The following SHCBP1 variants were observed in gnomAD, a reference collection of about 807,000 sequenced individuals.
The protein encoded by SHCBP1 is SHC SH2 domain-binding protein 1.
In SHCBP1, 60 loss-of-function variants were observed where a neutral mutation model predicts 75.1. The ratio of observed to expected loss-of-function variants is 0.80; its 90% CI spans 0.65 to 0.99. The LOEUF (loss-of-function observed/expected upper bound fraction) is 0.99. Ranked by LOEUF, SHCBP1 falls within the 50% of genes least tolerant of loss-of-function variation. The probability of loss-of-function intolerance (pLI) is 0.00; values close to 1 mark genes in which losing one functional copy is unlikely to be tolerated. For missense variants in SHCBP1, 709 were observed against 809.4 expected (o/e 0.88, Z 1.50); for synonymous variants, 290 against 293.2 (o/e 0.99, Z 0.11).
intron 4 of SHCBP1, among the ~76,000 whole-genome samples, chr16:46,612,089 G>A (rs994098062): frequency 3.3e-5 from 5 of 152,162 alleles, no homozygotes; most frequent in African/African-American, 9.7e-5. Flanking sequence ...AGGAAAAGCT[G>A]GCCAAGATGA....
chr16:46,590,040 G>C (rs1017162885), intron 10 of SHCBP1, among the ~76,000 whole-genome samples: 37 of 152,052 alleles, frequency 2.4e-4, no homozygotes, highest in African/African-American at 8.7e-4. Flanking sequence ...TCTGATCTTT[G>C]ACAAACCTGA....
Position 46,616,811 on chromosome 16 carries a change from CG to C in SHCBP1, c.388-658del, listed in dbSNP as rs532016858. 2.0e-5 allele frequency among the ~76,000 whole-genome samples: 3 copies of C among 151,846 alleles called. No homozygotes were observed. Among genetic ancestry groups the C allele is most frequent in the Non-Finnish European group, 2.9e-5 (2 of 67,956 alleles). ...TCATTGTTTTCGGAGAACTGATTGG[CG>C]GGGGGGCACTTATCATAACCAAATG... On this transcript the variant is annotated intron_variant, in intron 3 of 12. Coordinates refer to ENST00000303383, the MANE Select transcript of SHCBP1 (RefSeq NM_024745.5). The surrounding 1 kb of genome is among the most constrained non-coding windows in gnomAD (Gnocchi z 4.4).
At position 46,621,201 on chromosome 16, in the gene SHCBP1, G is replaced by A. The variant is rs1416689619; in HGVS notation, c.103+56C>T. ...GACCCAGGCGCCCTCCTAGGGTCCC[G>A]ACGCCCCAGGCCTCCGCTCAGAGGC... On this transcript the variant is annotated intron_variant, in intron 1 of 12. Coordinates refer to ENST00000303383, the MANE Select transcript of SHCBP1 (RefSeq NM_024745.5). The A allele has an allele frequency of 3.9e-6, 6 of 1,524,050 alleles. No individual in the cohort carries two copies. In the East Asian group the frequency reaches 7.0e-5, roughly 18 times the overall value. The allele number at this position is 1,524,050 out of a possible 1,614,324, so 94.4% of individuals were successfully genotyped here.
chr16:46,584,303 AC>A, intron 10 of SHCBP1: 1 of 412 alleles, frequency 2.4e-3, no homozygotes, highest in Non-Finnish European at 9.4e-3. Flanking sequence ...TCAAAACCAC[AC>A]ACACACACAC....
chr16:46,602,548 G>A (rs926386938), intron 8 of SHCBP1, among the ~76,000 whole-genome samples: 15 of 151,994 alleles, frequency 9.9e-5, no homozygotes, highest in Non-Finnish European at 1.9e-4. Flanking sequence ...GACATGTTAT[G>A]AAAATATACA....
At chr16:46,583,488 T>G in intron 12 of SHCBP1, 28 bp downstream of exon 12, 1 of 1,572,294 alleles carries the variant, frequency 6.4e-7, no homozygotes. Flanking sequence ...TTATGTCTGG[T>G]TTTTATATTA....
chr16:46,611,046 C>G (rs1355301315), intron 4 of SHCBP1, among the ~76,000 whole-genome samples: 1 of 152,096 alleles, frequency 6.6e-6, no homozygotes, highest in Non-Finnish European at 1.5e-5. Flanking sequence ...TACATTTTTC[C>G]CATGTCCGCA....
chr16:46,616,277 A>G lies in SHCBP1; in HGVS notation c.388-123T>C. 2 of 904,324 alleles carry G rather than the reference A, an allele frequency of 2.2e-6. No individual in the cohort carries two copies. The highest frequency in any genetic ancestry group is 1.7e-6 in the Non-Finnish European group (1 of 587,378). The allele number at this position is 904,324 out of a possible 1,614,324, so 56.0% of individuals were successfully genotyped here. On this transcript the variant is annotated intron_variant, in intron 3 of 12. Transcript: ENST00000303383. The surrounding 1 kb of genome is among the most constrained non-coding windows in gnomAD (Gnocchi z 4.4). ...CATGGGTGGGGAGGCTTTACCCATAATATAAAGGATGAACAAGACAGGCTG... is the reference window on the plus strand; with the variant it reads ...CATGGGTGGGGAGGCTTTACCCATAGTATAAAGGATGAACAAGACAGGCTG...
At chr16:46,585,524 A>G (rs1964943596) in intron 10 of SHCBP1, among the ~76,000 whole-genome samples, 1 of 152,100 alleles carries the variant, frequency 6.6e-6, no homozygotes, top group Non-Finnish European at 1.5e-5. Context: ...CATACACCCA[A>G]AAAAAAGCTG....
In SHCBP1 at chr16:46,603,582, C is replaced by A. The variant is rs751305312; in HGVS notation, c.1170G>T (p.Val390=). 3.7e-6 allele frequency: 6 copies of A among 1,614,128 alleles called. No individual in the cohort carries two copies. The East Asian group carries it at 1.3e-4, about 36-fold the overall frequency. Residue 390 remains valine, a synonymous_variant, in exon 8 of 13, where the codon GTG becomes GTT. Coordinates refer to ENST00000303383, the MANE Select transcript of SHCBP1 (RefSeq NM_024745.5). The part of the protein sequence containing the change: ...DTVIVCPGHY[V]VHGTFSIADS... ...CAGCAATGGAGAAAGTGCCATGTAC[C>A]ACATAATGGCCAGGACAAACAATAA...
intron 4 of SHCBP1, among the ~76,000 whole-genome samples, chr16:46,608,662 G>T (rs1965361309): frequency 7.3e-6 from 1 of 137,344 alleles, no homozygotes; most frequent in Non-Finnish European, 1.5e-5. Context: ...GGAGTGCAAT[G>T]GCGTGATCTT....
At chr16:46,585,047 T>C (rs1964935607) in intron 10 of SHCBP1, among the ~76,000 whole-genome samples, 1 of 152,188 alleles carries the variant, frequency 6.6e-6, no homozygotes, top group South Asian at 2.1e-4. Context: ...TTGTGTCTTC[T>C]AAGAGATTTT....
chr16:46,608,943 C>T (rs1040151458), intron 4 of SHCBP1, among the ~76,000 whole-genome samples: 2 of 152,054 alleles, frequency 1.3e-5, no homozygotes, highest in African/African-American at 4.8e-5. Context: ...ACCACCAGTA[C>T]CTGGCTGGAT....
At chr16:46,587,596 T>A (rs997356425) in intron 10 of SHCBP1, among the ~76,000 whole-genome samples, 1 of 151,978 alleles carries the variant, frequency 6.6e-6, no homozygotes, top group Non-Finnish European at 1.5e-5. Context: ...CTATCCTAAA[T>A]ATATATGGGT....
At chr16:46,605,633 C>T (rs1464636032) in intron 5 of SHCBP1, among the ~76,000 whole-genome samples, 1 of 152,122 alleles carries the variant, frequency 6.6e-6, no homozygotes, top group African/African-American at 2.4e-5. Flanking sequence ...CTCAGGGCCC[C>T]ATCCAGACCA....
In SHCBP1 at chr16:46,581,808, G is replaced by A. The variant is rs150826364; in HGVS notation, c.1940C>T (p.Ser647Leu). Reference protein sequence around the residue: ...GITQADDNLMSQEMFVGIVGN... With the variant: ...GITQADDNLMLQEMFVGIVGN... ...CACAATCCCAACAAACATCTCCTGT[G>A]ACATTAAGTTGTCATCAGCTTGCGT... Residue 647 changes from serine to leucine, a missense_variant, in exon 13 of 13, where the codon TCA (serine) becomes TTA (leucine). Ser to Leu is a moderately radical substitution (Grantham distance 145). Coordinates refer to ENST00000303383, the MANE Select transcript of SHCBP1 (RefSeq NM_024745.5). The A allele has an allele frequency of 5.0e-6, 8 of 1,614,046 alleles. No homozygotes were observed. The highest frequency in any genetic ancestry group is 6.8e-6 in the Non-Finnish European group (8 of 1,180,048).
At chr16:46,593,857 T>C (rs1186224424) in intron 10 of SHCBP1, among the ~76,000 whole-genome samples, 1 of 152,186 alleles carries the variant, frequency 6.6e-6, no homozygotes, top group Non-Finnish European at 1.5e-5. Flanking sequence ...AAAGTTCCTA[T>C]CAAAATCTCA....
At chr16:46,609,749 G>A (rs1965379581) in intron 4 of SHCBP1, among the ~76,000 whole-genome samples, 1 of 151,940 alleles carries the variant, frequency 6.6e-6, no homozygotes, top group Non-Finnish European at 1.5e-5. Context: ...ACCGTGCCCA[G>A]TTGTATCCAT....
intron 1 of SHCBP1, among the ~76,000 whole-genome samples, 179 bp downstream of exon 1, chr16:46,621,078 C>G (rs1249693226): frequency 6.6e-6 from 1 of 152,184 alleles, no homozygotes; most frequent in African/African-American, 2.4e-5. Flanking sequence ...GGGAGTCCCC[C>G]ACCCCTGGGT....
Sources: allele counts gnomAD v4.1 joint callset (sites outside exome capture counted in the v4.1 genomes callset), GRCh38; gene constraint gnomAD v4.1.1; non-coding constraint Gnocchi (gnomAD v3.1); transcripts MANE v1.5; gene names NCBI Gene and HGNC (gene_info 2026-07-23, HGNC 2026-07-21).